IFI6: variants seen among roughly 807,000 people sequenced by gnomAD.
The protein encoded by IFI6 is interferon alpha-inducible protein 6.
IFI6 carries 10 observed loss-of-function variants against 12.7 expected under a neutral mutation model. That is an observed-to-expected ratio of 0.79 (90% confidence interval 0.49 to 1.33). The LOEUF is 1.33. Ranked by LOEUF, IFI6 falls within the 40% of genes most tolerant of loss-of-function variation. The probability of loss-of-function intolerance (pLI) is 0.00; values close to 1 mark genes in which losing one functional copy is unlikely to be tolerated. For synonymous variants in IFI6, 89 were observed against 86.2 expected, an observed-to-expected ratio of 1.03 and a Z score of -0.18; for missense variants, 154 against 180.4, an observed-to-expected ratio of 0.85 and a Z score of 0.84.
intron 2 of IFI6, among the ~76,000 whole-genome samples, 191 bp from the exon 3 acceptor site, chr1:27,668,726 C>T (rs2090375800): frequency 6.6e-6 from 1 of 152,054 alleles, no homozygotes; most frequent in African/African-American, 2.4e-5. Context: ...GAGTAAATTT[C>T]GGTAGGATGG....
intron 2 of IFI6, 123 bp downstream of exon 2, chr1:27,669,122 T>C: frequency 8.7e-7 from 1 of 1,154,258 alleles, no homozygotes; most frequent in Non-Finnish European, 1.3e-6. Flanking sequence ...CCCGCATCCT[T>C]ACCTGCATCC....
chr1:27,666,537 C>A lies in IFI6; in HGVS notation c.299-62G>T, dbSNP rs955175836. On this transcript the variant is annotated intron_variant, in intron 4 of 4. Coordinates refer to ENST00000361157, the MANE Select transcript of IFI6 (RefSeq NM_002038.4). Reference sequence around the variant, plus strand: ...GTGCCAGGCCTGGGAATCCAAATGTCTGGAAACCATTGGTTGAGTCCAACC... The same window carrying A: ...GTGCCAGGCCTGGGAATCCAAATGTATGGAAACCATTGGTTGAGTCCAACC... 5.7e-6 allele frequency: 7 copies of A among 1,235,990 alleles called. No homozygotes were observed. The African/African-American group carries it at 1.0e-4, about 18-fold the overall frequency. The allele number at this position is 1,235,990 out of a possible 1,614,324, so 76.6% of individuals were successfully genotyped here.
Position 27,666,307 on chromosome 1 carries a change from A to AAAG in IFI6, c.*73_*74insCTT. ...CCCATCTCAAAAAAAAAAAAAAAAAAAAAAAGGCAAAGTTCTAGATCCTAA... is the reference window on the plus strand; with the variant it reads ...CCCATCTCAAAAAAAAAAAAAAAAAAAAGAAAAAGGCAAAGTTCTAGATCCTAA... On this transcript the variant is annotated 3_prime_UTR_variant, in exon 5 of 5. Coordinates refer to ENST00000361157, the MANE Select transcript of IFI6 (RefSeq NM_002038.4). 1 of 761,424 alleles carries AAAG rather than the reference A, an allele frequency of 1.3e-6. No homozygotes were observed. Among genetic ancestry groups the AAAG allele is most frequent in the East Asian group, 3.0e-5 (1 of 33,142 alleles). 47.2% of individuals were successfully genotyped at this position (761,424 alleles called of 1,614,324 possible). A position where few individuals can be genotyped will look rare whatever the true frequency, so the allele number is the denominator to read the frequency against.
rs1212174961 is a variant in IFI6 at position 27,668,262 on chromosome 1, G to T, written c.262C>A (p.Pro88Thr). The change falls in exon 4 of 5, where the codon CCC (proline) becomes ACC (threonine). Residue 88 changes from proline (P) to threonine (T), a missense_variant. Pro to Thr is a conservative substitution (Grantham distance 38, BLOSUM62 -1). Coordinates refer to ENST00000361157, the MANE Select transcript of IFI6 (RefSeq NM_002038.4). ...AGCGTGGCCACTAGCCCCCCGGCGGGCACGCCGCCCCCATTCAGGATCGCA... is the reference window on the plus strand; with the variant it reads ...AGCGTGGCCACTAGCCCCCCGGCGGTCACGCCGCCCCCATTCAGGATCGCA... ...WSAILNGGGV[P>T]AGGLVATLQS... The T allele has an allele frequency of 3.2e-6, 5 of 1,577,092 alleles. No homozygotes were observed. The highest frequency in any genetic ancestry group is 2.6e-6 in the Non-Finnish European group (3 of 1,166,936).
intron 4 of IFI6, among the ~76,000 whole-genome samples, chr1:27,667,154 A>G (rs1190486411): frequency 4.7e-5 from 7 of 150,136 alleles, no homozygotes; most frequent in African/African-American, 1.7e-4. Context: ...TTGCAGTCTC[A>G]ACACTTTGGG....
In IFI6 at chr1:27,668,382, G is replaced by T. The variant is rs1190411029; in HGVS notation, c.149-7C>A. ...AGCCCGGCGACTGCGAGTCCTGGAG[G>T]AACAGGAGCAGGTGAGGGAGCGTCC... is the stretch of plus-strand genomic sequence containing the variant. On this transcript the variant is annotated splice_polypyrimidine_tract_variant and splice_region_variant and intron_variant, in intron 3 of 4. Coordinates refer to ENST00000361157, the MANE Select transcript of IFI6 (RefSeq NM_002038.4). 1.9e-6 allele frequency: 3 copies of T among 1,571,490 alleles called. No individual in the cohort carries two copies. Among genetic ancestry groups the T allele is most frequent in the Non-Finnish European group, 2.6e-6 (3 of 1,157,500 alleles).
rs746507265 is a variant in IFI6, at chr1:27,666,458, C to T, written c.316G>A (p.Val106Ile). 1.1e-5 allele frequency: 17 copies of T among 1,613,610 alleles called. 1 individual carries two copies. Among genetic ancestry groups the T allele is most frequent in the Admixed American group, 8.3e-5 (5 of 59,964 alleles). Residue 106 changes from valine (V) to isoleucine (I), a missense_variant, in exon 5 of 5, where the codon GTC becomes ATC. Coordinates refer to ENST00000361157, the MANE Select transcript of IFI6 (RefSeq NM_002038.4). Reference protein sequence around the residue: ...LQSLGAGGSSVVIGNIGALMG... With the variant: ...LQSLGAGGSSIVIGNIGALMG... ...AGGGCACCAATATTACCTATGACGACGCTGCTGCCACCAGCCCCTGTAAAG... is the reference window on the plus strand; with the variant it reads ...AGGGCACCAATATTACCTATGACGATGCTGCTGCCACCAGCCCCTGTAAAG...
At position 27,666,160 on chromosome 1, in the gene IFI6, G is replaced by C. The variant is rs1047031374; in HGVS notation, c.*221C>G. On this transcript the variant is annotated 3_prime_UTR_variant, in exon 5 of 5. Coordinates refer to ENST00000361157, the MANE Select transcript of IFI6 (RefSeq NM_002038.4). Reference sequence around the variant, plus strand: ...TTCTGGGCATCGTCGGCGCATGCTTGTAATCCTACTTGGGAGGTTGAGACA... The same window carrying C: ...TTCTGGGCATCGTCGGCGCATGCTTCTAATCCTACTTGGGAGGTTGAGACA... 3 of 419,314 alleles carry C rather than the reference G, an allele frequency of 7.2e-6. No homozygotes were observed. Among genetic ancestry groups the C allele is most frequent in the Non-Finnish European group, 1.3e-5 (3 of 234,854 alleles). The allele number at this position is 419,314 out of a possible 1,614,324, so 26.0% of individuals were successfully genotyped here.
chr1:27,668,387 G>C lies in IFI6; in HGVS notation c.149-12C>G, dbSNP rs769843200. On this transcript the variant is annotated splice_polypyrimidine_tract_variant and intron_variant, in intron 3 of 4. Coordinates refer to ENST00000361157, the MANE Select transcript of IFI6 (RefSeq NM_002038.4). ...GGCGACTGCGAGTCCTGGAGGAACAGGAGCAGGTGAGGGAGCGTCCGCGGC... is the reference window on the plus strand; with the variant it reads ...GGCGACTGCGAGTCCTGGAGGAACACGAGCAGGTGAGGGAGCGTCCGCGGC... The C allele has an allele frequency of 4.2e-5, 66 of 1,572,812 alleles. No homozygotes were observed. The Middle Eastern group carries it at 5.0e-4, about 12-fold the overall frequency.
chr1:27,671,379 ATTTTTTT>A (rs57090710), intron 1 of IFI6, among the ~76,000 whole-genome samples: 1 of 131,368 alleles, frequency 7.6e-6, no homozygotes, highest in Non-Finnish European at 1.6e-5. Flanking sequence ...CCAAGCCCAC[ATTTTTTT>A]TTTTTTTTTT....
Position 27,668,295 on chromosome 1 carries a change from T to C in IFI6, c.229A>G (p.Ser77Gly). The change falls in exon 4 of 5, where the codon AGC (serine) becomes GGC (glycine). Residue 77 changes from serine to glycine, a missense_variant. Transcript: ENST00000361157. ...CCCCCATTCAGGATCGCAGACCAGCTCATCAGCGAGGCAGCCACCGAGTTG... is the reference window on the plus strand; with the variant it reads ...CCCCCATTCAGGATCGCAGACCAGCCCATCAGCGAGGCAGCCACCGAGTTG... ...AANSVAASLM[S>G]WSAILNGGGV... 1 of 1,582,898 alleles carries C rather than the reference T, an allele frequency of 6.3e-7. No individual in the cohort carries two copies. The highest frequency in any genetic ancestry group is 1.7e-5 in the Admixed American group (1 of 57,658).
chr1:27,668,232 T>C lies in IFI6; in HGVS notation c.292A>G (p.Ser98Gly). 6.4e-7 allele frequency: 1 copy of C among 1,555,278 alleles called. No homozygotes were observed. The highest frequency in any genetic ancestry group is 2.3e-5 in the East Asian group (1 of 43,182). The change falls in exon 4 of 5, where the codon AGC (serine) becomes GGC (glycine). Residue 98 changes from serine (S) to glycine (G), a missense_variant. Ser to Gly is a moderately conservative substitution (Grantham distance 56). Coordinates refer to ENST00000361157, the MANE Select transcript of IFI6 (RefSeq NM_002038.4). Reference protein sequence around the residue: ...PAGGLVATLQSLGAGGSSVVI... With the variant: ...PAGGLVATLQGLGAGGSSVVI... ...GCCCAGGCCCCGCACTCACCGAGGC[T>C]CTGCAGCGTGGCCACTAGCCCCCCG... is the stretch of plus-strand genomic sequence containing the variant.
rs376653231 is a variant in IFI6 at position 27,667,834 on chromosome 1, G to GCC, written c.298+390_298+391dup. ...GCCTGTAATCCTAGCACTATGGGAC[G>GCC]CCGAGGCGGGCGGATCAGCTGAGGT... On this transcript the variant is annotated intron_variant, in intron 4 of 4. Transcript: ENST00000361157. Among the ~76,000 whole-genome samples, 384 of 152,274 alleles carry GCC rather than the reference G, an allele frequency of 2.5e-3. 2 individuals carry two copies. The highest frequency in any genetic ancestry group is 9.0e-3 in the African/African-American group (375 of 41,504).
intron 3 of IFI6, 28 bp downstream of exon 3, chr1:27,668,429 TG>T (rs751713450): frequency 6.2e-7 from 1 of 1,600,612 alleles, no homozygotes; most frequent in African/African-American, 1.3e-5. Flanking sequence ...CCGCCCCGCC[TG>T]CCCGAGATCC....
In IFI6 at chr1:27,668,273, C is replaced by A; in HGVS notation, c.251G>T (p.Gly84Val). The change falls in exon 4 of 5, where the codon GGG (glycine) becomes GTG (valine). Residue 84 changes from glycine to valine, a missense_variant. By Grantham distance (109) the Gly-to-Val change is moderately radical. Transcript: ENST00000361157. ...TAGCCCCCCGGCGGGCACGCCGCCCCCATTCAGGATCGCAGACCAGCTCAT... is the reference window on the plus strand; with the variant it reads ...TAGCCCCCCGGCGGGCACGCCGCCCACATTCAGGATCGCAGACCAGCTCAT... Reference protein sequence around the residue: ...SLMSWSAILNGGGVPAGGLVA... With the variant: ...SLMSWSAILNVGGVPAGGLVA... 1 of 1,582,108 alleles carries A rather than the reference C, an allele frequency of 6.3e-7. No homozygotes were observed. Among genetic ancestry groups the A allele is most frequent in the East Asian group, 2.3e-5 (1 of 43,394 alleles).
rs982606993 is a variant in IFI6 at position 27,672,148 on chromosome 1, T to C, written c.-58A>G. On this transcript the variant is annotated 5_prime_UTR_variant, in exon 1 of 5. Transcript: ENST00000361157. ...CTTGGAGGAGAGAAGAGAAGCAATC[T>C]TCAGCCCGGAGCCTGCTGATAGATG... is the stretch of plus-strand genomic sequence containing the variant. The C allele has an allele frequency of 2.0e-5, 3 of 152,224 alleles. No homozygotes were observed. Among genetic ancestry groups the C allele is most frequent in the African/African-American group, 7.2e-5 (3 of 41,460 alleles). 9.4% of individuals were successfully genotyped at this position (152,224 alleles called of 1,614,324 possible).
Position 27,666,475 on chromosome 1 carries a change from C to T in IFI6, c.299G>A (p.Gly100Glu). The change falls in exon 5 of 5, where the codon GGG becomes GAG. Residue 100 changes from glycine (G) to glutamate (E), a missense_variant and splice_region_variant. Coordinates refer to ENST00000361157, the MANE Select transcript of IFI6 (RefSeq NM_002038.4). ...TATGACGACGCTGCTGCCACCAGCC[C>T]CTGTAAAGCAAACACAGATGAGTCA... is the stretch of plus-strand genomic sequence containing the variant. ...GGLVATLQSL[G>E]AGGSSVVIGN... 6.2e-7 allele frequency: 1 copy of T among 1,612,460 alleles called. No individual in the cohort carries two copies. Among genetic ancestry groups the T allele is most frequent in the Non-Finnish European group, 8.5e-7 (1 of 1,178,992 alleles).
At position 27,668,251 on chromosome 1, in the gene IFI6, C is replaced by T. The variant is rs368987753; in HGVS notation, c.273G>A (p.Gly91=). The T allele has an allele frequency of 2.5e-5, 39 of 1,571,898 alleles. No homozygotes were observed. In the African/African-American group the frequency reaches 4.9e-4, roughly 20 times the overall value. ...ILNGGGVPAG[G]LVATLQSLGA... is the part of the protein sequence containing the mutation. ...CGAGGCTCTGCAGCGTGGCCACTAG[C>T]CCCCCGGCGGGCACGCCGCCCCCAT... Residue 91 remains glycine (G), a synonymous_variant, in exon 4 of 5, where the codon GGG becomes GGA. Coordinates refer to ENST00000361157, the MANE Select transcript of IFI6 (RefSeq NM_002038.4).
rs190781000 is a variant in IFI6, at chr1:27,669,234, C to T, written c.70+11G>A. On this transcript the variant is annotated intron_variant, in intron 2 of 4. Coordinates refer to ENST00000361157, the MANE Select transcript of IFI6 (RefSeq NM_002038.4). ...CTGTCCCCTTACCTGCATCCTTACCCGCATTCTCACCTGCCTCCACCCCAC... is the reference window on the plus strand; with the variant it reads ...CTGTCCCCTTACCTGCATCCTTACCTGCATTCTCACCTGCCTCCACCCCAC... The T allele has an allele frequency of 5.2e-6, 8 of 1,551,638 alleles. No individual in the cohort carries two copies. Among genetic ancestry groups the T allele is most frequent in the Non-Finnish European group, 5.2e-6 (6 of 1,146,976 alleles).
Sources: allele counts gnomAD v4.1 joint callset (sites outside exome capture counted in the v4.1 genomes callset), GRCh38; gene constraint gnomAD v4.1.1; transcripts MANE v1.5; gene names NCBI Gene and HGNC (gene_info 2026-07-23, HGNC 2026-07-21).